The following ARHGEF10 variants were observed in gnomAD, a reference collection of about 807,000 sequenced individuals.
ARHGEF10 encodes the protein Rho guanine nucleotide exchange factor (GEF) 10.
In ARHGEF10, 140 loss-of-function variants were observed where a neutral mutation model predicts 147.4. The observed-to-expected ratio is 0.95, with a 90% CI of 0.83 to 1.09. The LOEUF is 1.09. ARHGEF10 is among the 50% of genes least tolerant of loss of function. The pLI is 0.00. For synonymous variants in ARHGEF10, 902 were observed against 695.8 expected, an observed-to-expected ratio of 1.30 and a Z score of -4.67; for missense variants, 2,222 against 1,752.7, an observed-to-expected ratio of 1.27 and a Z score of -4.78.
chr8:1,874,733 T>TA (rs1807510520), intron 7 of ARHGEF10, among the ~76,000 whole-genome samples: 1 of 149,492 alleles, frequency 6.7e-6, no homozygotes, highest in African/African-American at 2.5e-5. Flanking sequence ...GTGTAAGCAG[T>TA]GGAGGTTCTA....
At chr8:1,872,605 A>G (rs1209684065) in intron 7 of ARHGEF10, among the ~76,000 whole-genome samples, 1 of 152,194 alleles carries the variant, frequency 6.6e-6, no homozygotes, top group Non-Finnish European at 1.5e-5. Context: ...CCCCAAATTG[A>G]TGGACATAAA....
At chr8:1,846,371 G>C (rs1233795063) in intron 2 of ARHGEF10, among the ~76,000 whole-genome samples, 1 of 152,202 alleles carries the variant, frequency 6.6e-6, no homozygotes. Flanking sequence ...TGAGGATTCT[G>C]TGGTACTTTA....
At chr8:1,934,229 C>T (rs181256540) in intron 26 of ARHGEF10, among the ~76,000 whole-genome samples, 15 of 151,908 alleles carry the variant, frequency 9.9e-5, no homozygotes, top group East Asian at 3.9e-4. Flanking sequence ...GGTTGCACAC[C>T]GGTAGTCCCA....
At chr8:1,834,961 C>A (rs1053561015) in intron 1 of ARHGEF10, among the ~76,000 whole-genome samples, 1 of 152,218 alleles carries the variant, frequency 6.6e-6, no homozygotes, top group East Asian at 1.9e-4. Flanking sequence ...CACTTCACCC[C>A]CAGGTGGGAG....
At chr8:1,827,194 TTCTGCCACA>T (rs1008192816) in intron 1 of ARHGEF10, among the ~76,000 whole-genome samples, 4 of 152,258 alleles carry the variant, frequency 2.6e-5, no homozygotes, top group Non-Finnish European at 5.9e-5. Context: ...ACACACACAC[TTCTGCCACA>T]TCTGCCACCC....
At chr8:1,857,144 T>C (rs1462116018) in intron 2 of ARHGEF10, among the ~76,000 whole-genome samples, 2 of 152,244 alleles carry the variant, frequency 1.3e-5, no homozygotes, top group African/African-American at 4.8e-5. Context: ...TGGAGGTTTG[T>C]ATTTTAAGCT....
At chr8:1,936,016 C>T (rs1184385703) in intron 26 of ARHGEF10, among the ~76,000 whole-genome samples, 1 of 152,218 alleles carries the variant, frequency 6.6e-6, no homozygotes, top group Non-Finnish European at 1.5e-5. Context: ...GTTGGACTGA[C>T]ATTCCTGAAA....
In ARHGEF10 at chr8:1,831,963, C is replaced by T. The variant is rs1022596187; in HGVS notation, c.-48+7850C>T. ...CTGCCTGTGGAAACCAGCACGTTGG[C>T]AGGAGGGGAGGGTGGTGCCCGAGCC... On this transcript the variant is annotated intron_variant, in intron 1 of 28. Coordinates refer to ENST00000349830, the MANE Select transcript of ARHGEF10 (RefSeq NM_014629.4). Among the ~76,000 whole-genome samples, 157 of 152,226 alleles carry T rather than the reference C, an allele frequency of 1.0e-3. 1 individual carries two copies. Among genetic ancestry groups the T allele is most frequent in the African/African-American group, 3.7e-3 (152 of 41,546 alleles).
In ARHGEF10 at chr8:1,890,155, GACACT is replaced by G. The variant is rs1343831935; in HGVS notation, c.1183-3413_1183-3409del. Among the ~76,000 whole-genome samples the G allele has an allele frequency of 1.5e-3, 61 of 39,820 alleles. 1 individual carries two copies. The highest frequency in any genetic ancestry group is 5.8e-3 in the African/African-American group (57 of 9,886). The allele number at this position is 39,820 out of a possible 152,430, so 26.1% of individuals were successfully genotyped here. ...GGAGTGGGGTGAGGGTTTGTGAGGA[GACACT>G]GAGTGGGGTGAGGGTTTGTGAGGAG... is the stretch of plus-strand genomic sequence containing the variant. On this transcript the variant is annotated intron_variant, in intron 11 of 28. Coordinates refer to ENST00000349830, the MANE Select transcript of ARHGEF10 (RefSeq NM_014629.4).
chr8:1,904,729 C>G lies in ARHGEF10; in HGVS notation c.1822-842C>G, dbSNP rs373433674. Among the ~76,000 whole-genome samples the G allele has an allele frequency of 3.9e-5, 6 of 152,252 alleles. No individual in the cohort carries two copies. The South Asian group carries it at 1.2e-3, about 32-fold the overall frequency. On this transcript the variant is annotated intron_variant, in intron 16 of 28. Coordinates refer to ENST00000349830, the MANE Select transcript of ARHGEF10 (RefSeq NM_014629.4). ...GGGACATTCAGGGAGGCGGGTGTCT[C>G]GCTGGTTGCTCAGAGCTGGGCAGCA...
intron 26 of ARHGEF10, among the ~76,000 whole-genome samples, chr8:1,935,966 C>T (rs980318288): frequency 7.9e-5 from 12 of 152,214 alleles, no homozygotes; most frequent in African/African-American, 2.9e-4. Context: ...CCCGTGTCTG[C>T]TGTTAGTGGC....
In ARHGEF10 at chr8:1,929,312, G is replaced by C; in HGVS notation, c.2948G>C (p.Gly983Ala). ...ATTTCCATTTATAAAAGCAGTCAAGGCTCCAAGAAAGTGAGACTTCAGCAC... is the reference window on the plus strand; with the variant it reads ...ATTTCCATTTATAAAAGCAGTCAAGCCTCCAAGAAAGTGAGACTTCAGCAC... The part of the protein sequence containing the change: ...GSISIYKSSQ[G>A]SKKVRLQHFF... The change falls in exon 25 of 29, where the codon GGC (glycine) becomes GCC (alanine). Residue 983 changes from glycine to alanine, a missense_variant. By Grantham distance (60) the Gly-to-Ala change is moderately conservative. Transcript: ENST00000349830. 1 of 1,614,108 alleles carries C rather than the reference G, an allele frequency of 6.2e-7. No homozygotes were observed. Among genetic ancestry groups the C allele is most frequent in the Non-Finnish European group, 8.5e-7 (1 of 1,180,016 alleles).
At chr8:1,882,068 T>G (rs551156538) in intron 9 of ARHGEF10, among the ~76,000 whole-genome samples, 67 of 152,332 alleles carry the variant, frequency 4.4e-4, no homozygotes, top group African/African-American at 1.5e-3. Context: ...CTTCCGAGTC[T>G]GACATCCGCA....
intron 11 of ARHGEF10, among the ~76,000 whole-genome samples, chr8:1,890,575 G>T (rs1809437148): frequency 7.0e-6 from 1 of 143,618 alleles, no homozygotes; most frequent in Non-Finnish European, 1.5e-5. Flanking sequence ...GTCACTGAGT[G>T]TGTAAGGGTC....
At chr8:1,826,266 G>T in intron 1 of ARHGEF10, 1 of 839,676 alleles carries the variant, frequency 1.2e-6, no homozygotes, top group Non-Finnish European at 1.9e-6. Flanking sequence ...ACTTCCAGAT[G>T]TAACCACATT....
chr8:1,850,680 C>G (rs1358517386), intron 2 of ARHGEF10, among the ~76,000 whole-genome samples: 1 of 152,186 alleles, frequency 6.6e-6, no homozygotes. Context: ...GTGTGACTTG[C>G]AGCCATGCCC....
At position 1,864,448 on chromosome 8, in the gene ARHGEF10, C is replaced by T. The variant is rs748827927; in HGVS notation, c.545+12C>T. On this transcript the variant is annotated intron_variant, in intron 5 of 28. Coordinates refer to ENST00000349830, the MANE Select transcript of ARHGEF10 (RefSeq NM_014629.4). ...GAGCCTCCAACCAGGTATCTGCATCCGTCTTCCCACACCTGCTGAATTCCC... is the reference window on the plus strand; with the variant it reads ...GAGCCTCCAACCAGGTATCTGCATCTGTCTTCCCACACCTGCTGAATTCCC... 3.0e-5 allele frequency: 48 copies of T among 1,612,306 alleles called. No individual in the cohort carries two copies. The highest frequency in any genetic ancestry group is 1.3e-4 in the African/African-American group (10 of 74,876).
chr8:1,829,655 G>A (rs192369137), intron 1 of ARHGEF10, among the ~76,000 whole-genome samples: 1 of 152,210 alleles, frequency 6.6e-6, no homozygotes, highest in African/African-American at 2.4e-5. Context: ...GAGCAGGGCT[G>A]AGGAGAATTC....
At chr8:1,880,793 G>T (rs1470248188) in intron 9 of ARHGEF10, among the ~76,000 whole-genome samples, 1 of 152,156 alleles carries the variant, frequency 6.6e-6, no homozygotes, top group Non-Finnish European at 1.5e-5. Flanking sequence ...TTATCCTGCT[G>T]GTATTTTGTG....
Sources: allele counts gnomAD v4.1 joint callset (sites outside exome capture counted in the v4.1 genomes callset), GRCh38; gene constraint gnomAD v4.1.1; transcripts MANE v1.5; gene names NCBI Gene and HGNC (gene_info 2026-07-23, HGNC 2026-07-21).